Variants in PCNX2 observed in about 807,000 individuals in gnomAD.
The protein encoded by PCNX2 is pecanex-like protein 2.
A neutral mutation model predicts 223.8 loss-of-function variants in PCNX2; 168 were observed. The observed-to-expected ratio is 0.75, with a 90% CI of 0.66 to 0.85. The LOEUF is 0.85. PCNX2 is among the 40% of genes least tolerant of loss of function. PCNX2 has a pLI of 0.00. For missense variants in PCNX2, 2,507 were observed against 2,675.5 expected (o/e 0.94, Z 1.39); for synonymous variants, 1,006 against 1,052.6 (o/e 0.96, Z 0.86).
chr1:233,195,913 G>C (rs954052681), intron 15 of PCNX2, among the ~76,000 whole-genome samples: 1 of 152,172 alleles, frequency 6.6e-6, no homozygotes, highest in African/African-American at 2.4e-5. Context: ...GGTAGGAATT[G>C]TCAAACACAG....
chr1:233,063,073 C>T (rs929217396), intron 23 of PCNX2, among the ~76,000 whole-genome samples: 3 of 152,050 alleles, frequency 2.0e-5, no homozygotes, highest in Non-Finnish European at 2.9e-5. Context: ...CCTGTCTCTA[C>T]TAAAAATATG....
Position 233,227,239 on chromosome 1 carries a change from C to T in PCNX2, c.2491G>A (p.Ala831Thr), listed in dbSNP as rs772793027. ...KVWYDRLTLLALLDRTEDIKE... is the reference protein window; with the variant it reads ...KVWYDRLTLLTLLDRTEDIKE... ...TCAGTGGCTTACCGATCAAGTAATG[C>T]CAGCAAGGTCAGTCGATCATACCAG... is the stretch of plus-strand genomic sequence containing the variant. Residue 831 changes from alanine to threonine, a missense_variant, in exon 10 of 34, where the codon GCA becomes ACA. This residue lies in a region of PCNX2 where 1,031 missense variants were observed against 1,021.7 expected (regional missense o/e 1.01). Transcript: ENST00000258229. 1 of 1,612,098 alleles carries T rather than the reference C, an allele frequency of 6.2e-7. No individual in the cohort carries two copies. Among genetic ancestry groups the T allele is most frequent in the South Asian group, 1.1e-5 (1 of 90,696 alleles).
intron 25 of PCNX2, among the ~76,000 whole-genome samples, chr1:233,034,402 A>C (rs1671375593): frequency 2.0e-5 from 3 of 152,190 alleles, no homozygotes; most frequent in African/African-American, 7.2e-5. Flanking sequence ...CTCACCAGAC[A>C]CTAGATCTGC....
At chr1:233,040,195 G>A (rs979027691) in intron 25 of PCNX2, among the ~76,000 whole-genome samples, 5 of 152,032 alleles carry the variant, frequency 3.3e-5, no homozygotes, top group South Asian at 2.1e-4. Flanking sequence ...CCTCTAAGAC[G>A]ATTTCTGGAA....
intron 25 of PCNX2, among the ~76,000 whole-genome samples, chr1:233,039,876 T>C (rs1159307631): frequency 2.0e-5 from 3 of 152,216 alleles, no homozygotes; most frequent in African/African-American, 7.2e-5. Context: ...AACACAAATA[T>C]AACTTTCATC....
intron 1 of PCNX2, among the ~76,000 whole-genome samples, chr1:233,280,977 G>A (rs202207894): frequency 1.9e-5 from 1 of 51,762 alleles, no homozygotes. Context: ...TCACCATCAT[G>A]ATCATCATCA....
chr1:233,261,503 AAATGTGG>A (rs1660038273), intron 3 of PCNX2, among the ~76,000 whole-genome samples, 182 bp from the exon 4 acceptor site: 1 of 152,236 alleles, frequency 6.6e-6, no homozygotes, highest in African/African-American at 2.4e-5. Flanking sequence ...AAACATATGT[AAATGTGG>A]ACATTCAACC....
At chr1:233,149,125 T>TA (rs1327330034) in intron 19 of PCNX2, among the ~76,000 whole-genome samples, 4 of 152,120 alleles carry the variant, frequency 2.6e-5, no homozygotes, top group African/African-American at 7.2e-5. Flanking sequence ...AAAGAGACCA[T>TA]AAAAAAACCA....
intron 1 of PCNX2, chr1:233,290,922 T>C (rs556223087): frequency 2.0e-6 from 2 of 985,408 alleles, no homozygotes; most frequent in African/African-American, 1.7e-5. Context: ...TTAAGTCTAA[T>C]GTTGCCCGGC....
intron 23 of PCNX2, among the ~76,000 whole-genome samples, chr1:233,079,803 G>A (rs549561709): frequency 6.6e-6 from 1 of 152,198 alleles, no homozygotes; most frequent in South Asian, 2.1e-4. Flanking sequence ...GCTTTGTGGT[G>A]CTAAAGGACT....
intron 1 of PCNX2, among the ~76,000 whole-genome samples, chr1:233,292,704 C>T (rs180692950): frequency 7.5e-4 from 114 of 152,178 alleles, no homozygotes; most frequent in Admixed American, 2.3e-3. Flanking sequence ...TATTTAAGCA[C>T]GAAGATCTGA....
rs372014216 is a variant in PCNX2, at chr1:233,076,756, T to C, written c.4076+13305A>G. On this transcript the variant is annotated intron_variant, in intron 23 of 33. Transcript: ENST00000258229. ...ATCATTTACACCTTGACTAAACTTA[T>C]AAATGAAGAAATTTATTATATGCAA... is the stretch of plus-strand genomic sequence containing the variant. Among the ~76,000 whole-genome samples the C allele has an allele frequency of 4.6e-5, 7 of 152,228 alleles. 1 individual carries two copies. The highest frequency in any genetic ancestry group is 1.4e-4 in the African/African-American group (6 of 41,450).
At chr1:233,310,778 G>A in the PCNX2 span, among the ~76,000 whole-genome samples, 1 of 152,182 alleles carries the variant, frequency 6.6e-6, no homozygotes, top group Non-Finnish European at 1.5e-5. Context: ...ATTTGCTTCT[G>A]GTGAGGGCCT....
intron 21 of PCNX2, among the ~76,000 whole-genome samples, chr1:233,098,054 T>TA (rs1674281541): frequency 6.6e-6 from 1 of 152,192 alleles, no homozygotes; most frequent in South Asian, 2.1e-4. Flanking sequence ...TTAGTTGAGT[T>TA]ATTAAGAATT....
intron 23 of PCNX2, among the ~76,000 whole-genome samples, chr1:233,058,764 C>T (rs1672292641): frequency 6.8e-6 from 1 of 147,608 alleles, no homozygotes; most frequent in South Asian, 2.1e-4. Context: ...CTCCTGGGTT[C>T]AAGCGATTGT....
intron 19 of PCNX2, among the ~76,000 whole-genome samples, chr1:233,144,948 G>GTTT (rs1168793449): frequency 1.4e-5 from 1 of 69,986 alleles, no homozygotes; most frequent in African/African-American, 6.5e-5. Flanking sequence ...TGTTGTTGTT[G>GTTT]TTTTGTTTTT....
chr1:233,075,696 AACACAC>A (rs369431993), intron 23 of PCNX2, among the ~76,000 whole-genome samples: 114 of 137,328 alleles, frequency 8.3e-4, no homozygotes, highest in South Asian at 2.4e-3. Context: ...GTTAGCTTAA[AACACAC>A]ACACACACAC....
intron 10 of PCNX2, among the ~76,000 whole-genome samples, chr1:233,225,577 G>T (rs1183508256): frequency 6.6e-6 from 1 of 152,198 alleles, no homozygotes; most frequent in Non-Finnish European, 1.5e-5. Flanking sequence ...TGCCAGAAAG[G>T]TGATTAAAAT....
At chr1:233,144,682 T>G (rs979411308) in intron 19 of PCNX2, among the ~76,000 whole-genome samples, 1 of 152,220 alleles carries the variant, frequency 6.6e-6, no homozygotes, top group Non-Finnish European at 1.5e-5. Context: ...TACACACTTT[T>G]GTGAAGTAGT....
Sources: allele counts gnomAD v4.1 joint callset (sites outside exome capture counted in the v4.1 genomes callset), GRCh38; gene constraint gnomAD v4.1.1; regional missense constraint gnomAD v4.1.1; transcripts MANE v1.5; gene names NCBI Gene and HGNC (gene_info 2026-07-23, HGNC 2026-07-21).